Variants in PRR16 observed in about 807,000 individuals in gnomAD.
PRR16 encodes the protein proline rich 16.
A neutral mutation model predicts 18.2 loss-of-function variants in PRR16; 6 were observed. That is an observed-to-expected ratio of 0.33 (90% CI 0.18 to 0.65). The LOEUF (loss-of-function observed/expected upper bound fraction) is 0.65. PRR16 is among the 30% of genes least tolerant of loss of function. The pLI, the probability that PRR16 is intolerant of heterozygous loss-of-function variation, is 0.74. For synonymous variants in PRR16, 151 were observed against 147.8 expected (o/e 1.02, Z -0.16); for missense variants, 412 against 376.6 (o/e 1.09, Z -0.78).
the PRR16 span, among the ~76,000 whole-genome samples, chr5:120,768,957 A>G: frequency 6.6e-6 from 1 of 151,876 alleles, no homozygotes; most frequent in African/African-American, 2.4e-5. Context: ...TACAACCCAA[A>G]GTCTTTGACA....
At chr5:120,694,552 C>CG in the PRR16 span, among the ~76,000 whole-genome samples, 3 of 151,754 alleles carry the variant, frequency 2.0e-5, no homozygotes, top group African/African-American at 7.3e-5. Context: ...GGCGAGGTGG[C>CG]GGGCGCCTGT....
chr5:120,475,899 AT>A (rs1306452546), intron 1 of PRR16, among the ~76,000 whole-genome samples: 2 of 152,170 alleles, frequency 1.3e-5, no homozygotes, highest in African/African-American at 4.8e-5. Context: ...AATAATATAA[AT>A]AATATTTATG....
the PRR16 span, among the ~76,000 whole-genome samples, chr5:120,719,150 ATTG>A: frequency 6.7e-6 from 1 of 148,396 alleles, no homozygotes; most frequent in Non-Finnish European, 1.5e-5. Context: ...GTAAAATATC[ATTG>A]TTATATACTT....
downstream of PRR16, among the ~76,000 whole-genome samples, chr5:120,690,110 T>G (rs1203017568): frequency 6.6e-6 from 1 of 152,164 alleles, no homozygotes. Context: ...GAATTATAAC[T>G]GCATCCTAAT....
chr5:120,777,213 A>T, the PRR16 span, among the ~76,000 whole-genome samples: 1 of 152,244 alleles, frequency 6.6e-6, no homozygotes. Flanking sequence ...AATGAAAATA[A>T]CCAAATGAGT....
the PRR16 span, among the ~76,000 whole-genome samples, chr5:120,698,188 T>C: frequency 5.3e-4 from 81 of 152,110 alleles, no homozygotes; most frequent in Non-Finnish European, 1.0e-3. Flanking sequence ...CGTGGGAACC[T>C]AGAGTGGGAG....
At chr5:120,673,952 T>C (rs1756704403) in intron 1 of PRR16, among the ~76,000 whole-genome samples, 1 of 15,154 alleles carries the variant, frequency 6.6e-5, no homozygotes, top group African/African-American at 1.4e-4. Context: ...AGACCCTTTC[T>C]CAAAGAAAAA....
chr5:120,785,635 C>A, the PRR16 span, among the ~76,000 whole-genome samples: 3 of 136,020 alleles, frequency 2.2e-5, no homozygotes, highest in Non-Finnish European at 3.1e-5. Context: ...TGCAGTGGCG[C>A]GATCTCAGCT....
chr5:120,504,981 G>A (rs1443230161), intron 1 of PRR16, among the ~76,000 whole-genome samples: 1 of 152,106 alleles, frequency 6.6e-6, no homozygotes, highest in East Asian at 1.9e-4. Context: ...TACTTTTATT[G>A]TAGCACCTCT....
In PRR16 at chr5:120,576,317, C is replaced by T. The variant is rs577866279; in HGVS notation, c.160-109637C>T. 1.1e-4 allele frequency among the ~76,000 whole-genome samples: 17 copies of T among 152,112 alleles called. No homozygotes were observed. In the South Asian group the frequency reaches 2.9e-3, roughly 26 times the overall value. On this transcript the variant is annotated intron_variant, in intron 1 of 1. Coordinates refer to ENST00000407149, the MANE Select transcript of PRR16 (RefSeq NM_001300783.2). ...TCAAACAACTCAGTAACAACAACAA[C>T]AATAACAGAAACAACATGAATGAAA...
At chr5:120,654,660 A>G (rs1025967888) in intron 1 of PRR16, among the ~76,000 whole-genome samples, 4 of 151,964 alleles carry the variant, frequency 2.6e-5, no homozygotes, top group African/African-American at 4.8e-5. Context: ...AATATTATGA[A>G]TAATTTCAGA....
chr5:120,564,482 C>T (rs764908526), intron 1 of PRR16, among the ~76,000 whole-genome samples: 4 of 143,296 alleles, frequency 2.8e-5, no homozygotes, highest in Admixed American at 7.2e-5. Flanking sequence ...TAAATGCTCC[C>T]TACATGCAAG....
chr5:120,791,635 CATCT>C, the PRR16 span, among the ~76,000 whole-genome samples: 149 of 142,666 alleles, frequency 1.0e-3, no homozygotes, highest in East Asian at 3.3e-3. Flanking sequence ...ATCCATCTAT[CATCT>C]ATCTATCTAT....
chr5:120,569,509 C>T (rs746146476), intron 1 of PRR16, among the ~76,000 whole-genome samples: 1 of 152,104 alleles, frequency 6.6e-6, no homozygotes, highest in Non-Finnish European at 1.5e-5. Context: ...TAAAGATTTA[C>T]TGTCTTGGAA....
Position 120,475,520 on chromosome 5 carries a change from T to G in PRR16, c.159+10875T>G, listed in dbSNP as rs142964245. On this transcript the variant is annotated intron_variant, in intron 1 of 1. Coordinates refer to ENST00000407149, the MANE Select transcript of PRR16 (RefSeq NM_001300783.2). ...TGAGAGGCAGAGGCAGGAGGATTGC[T>G]TGAGGCCAGGAGTTCAAGACCAGCT... Among the ~76,000 whole-genome samples the G allele has an allele frequency of 3.0e-3, 451 of 152,230 alleles. 5 individuals are homozygous for G. Among genetic ancestry groups the G allele is most frequent in the African/African-American group, 0.01 (436 of 41,534 alleles).
At chr5:120,469,905 C>T (rs935337997) in intron 1 of PRR16, among the ~76,000 whole-genome samples, 1 of 152,088 alleles carries the variant, frequency 6.6e-6, no homozygotes, top group African/African-American at 2.4e-5. Context: ...AGAGAATTAG[C>T]TGATAAGAAA....
the PRR16 span, among the ~76,000 whole-genome samples, chr5:120,758,755 A>G: frequency 1.3e-5 from 2 of 152,236 alleles, no homozygotes; most frequent in African/African-American, 4.8e-5. Flanking sequence ...CTGTGAGTCA[A>G]TAAACCTCCT....
At chr5:120,753,948 T>A in the PRR16 span, among the ~76,000 whole-genome samples, 1 of 109,910 alleles carries the variant, frequency 9.1e-6, no homozygotes. Flanking sequence ...TAATATATGT[T>A]ATATATTATA....
chr5:120,480,663 A>G (rs185931988), intron 1 of PRR16, among the ~76,000 whole-genome samples: 120 of 152,260 alleles, frequency 7.9e-4, no homozygotes, highest in African/African-American at 2.8e-3. Flanking sequence ...CAAACTGATG[A>G]AGAAAGAGAG....
Sources: allele counts gnomAD v4.1 joint callset (sites outside exome capture counted in the v4.1 genomes callset), GRCh38; gene constraint gnomAD v4.1.1; transcripts MANE v1.5; gene names NCBI Gene and HGNC (gene_info 2026-07-23, HGNC 2026-07-21).